OSBPL6: variants seen among roughly 807,000 people sequenced by gnomAD.
The protein encoded by OSBPL6 is oxysterol binding protein like 6.
In OSBPL6, 49 loss-of-function variants were observed where a neutral mutation model predicts 125.8. The observed-to-expected ratio is 0.39, with a 90% CI of 0.31 to 0.49. The LOEUF (loss-of-function observed/expected upper bound fraction) is 0.49. Ranked by LOEUF, OSBPL6 falls within the 20% of genes least tolerant of loss-of-function variation. The probability of loss-of-function intolerance (pLI) is 0.88; values close to 1 mark genes in which losing one functional copy is unlikely to be tolerated. For missense variants in OSBPL6, 986 were observed against 1,135.4 expected, an observed-to-expected ratio of 0.87 and a Z score of 1.89; for synonymous variants, 394 against 391.8, an observed-to-expected ratio of 1.01 and a Z score of -0.07.
In OSBPL6 at chr2:178,270,027, T is replaced by G. The variant is rs115095071; in HGVS notation, c.-350-14900T>G. Among the ~76,000 whole-genome samples the G allele has an allele frequency of 5.3e-3, 801 of 152,084 alleles. 5 individuals are homozygous for G. The highest frequency in any genetic ancestry group is 7.0e-3 in the Non-Finnish European group (473 of 67,900). ...ACGATAACACACTGGCTTGTTCAGG[T>G]ATGGGTTAGTGGCCACAGCCTCTCT... On this transcript the variant is annotated intron_variant, in intron 1 of 24. Transcript: ENST00000190611.
At chr2:178,241,573 G>A (rs546483418) in intron 1 of OSBPL6, among the ~76,000 whole-genome samples, 1 of 151,888 alleles carries the variant, frequency 6.6e-6, no homozygotes, top group East Asian at 1.9e-4. Flanking sequence ...GCACTACTAT[G>A]CCTGGCTAAT....
At chr2:178,358,869 A>G (rs1045389873) in intron 12 of OSBPL6, among the ~76,000 whole-genome samples, 2 of 152,170 alleles carry the variant, frequency 1.3e-5, no homozygotes, top group Non-Finnish European at 2.9e-5. Flanking sequence ...ATATTTGCAA[A>G]CCATGTATCA....
intron 11 of OSBPL6, among the ~76,000 whole-genome samples, chr2:178,346,051 T>C (rs1226659434): frequency 6.6e-6 from 1 of 151,980 alleles, no homozygotes; most frequent in African/African-American, 2.4e-5. Context: ...TATTCAGGAA[T>C]AACTAGGGGG....
rs75965274 is a variant in OSBPL6, at chr2:178,300,946, G to A, written c.-155-5084G>A. 3.6e-3 allele frequency among the ~76,000 whole-genome samples: 545 copies of A among 152,122 alleles called. 20 individuals are homozygous for A. The East Asian group carries it at 0.074, about 21-fold the overall frequency. On this transcript the variant is annotated intron_variant, in intron 2 of 24. Coordinates refer to ENST00000190611, the MANE Select transcript of OSBPL6 (RefSeq NM_032523.4). Reference sequence around the variant, plus strand: ...CCAGATTACCAAGCAAAGCCATCAAGCATTAAAGGAAACAAAGAAGAACCA... The same window carrying A: ...CCAGATTACCAAGCAAAGCCATCAAACATTAAAGGAAACAAAGAAGAACCA...
rs1264775412 is a variant in OSBPL6 at position 178,332,623 on chromosome 2, C to T, written c.373-18C>T. On this transcript the variant is annotated intron_variant, in intron 6 of 24. Coordinates refer to ENST00000190611, the MANE Select transcript of OSBPL6 (RefSeq NM_032523.4). ...ATCATATATCCTTTCAGCCTATTTA[C>T]TAGTCTTTTGATTTCAGATTCAGAA... The T allele has an allele frequency of 1.3e-6, 2 of 1,535,296 alleles. No individual in the cohort carries two copies. Among genetic ancestry groups the T allele is most frequent in the Admixed American group, 1.7e-5 (1 of 59,630 alleles).
chr2:178,313,701 A>G (rs1187751736), intron 3 of OSBPL6, among the ~76,000 whole-genome samples: 2 of 152,236 alleles, frequency 1.3e-5, no homozygotes, highest in East Asian at 3.8e-4. Context: ...TAACAACTAT[A>G]TATTTCAATT....
chr2:178,329,107 G>A (rs1199602559), intron 5 of OSBPL6, among the ~76,000 whole-genome samples: 1 of 152,022 alleles, frequency 6.6e-6, no homozygotes, highest in Non-Finnish European at 1.5e-5. Context: ...TTACTATTGT[G>A]ATGTGATGAA....
intron 2 of OSBPL6, among the ~76,000 whole-genome samples, chr2:178,290,531 A>G (rs928954201): frequency 6.6e-6 from 1 of 151,300 alleles, no homozygotes; most frequent in African/African-American, 2.4e-5. Context: ...AGAACCTATC[A>G]TATGTGAATC....
chr2:178,199,795 G>A (rs557470854), intron 1 of OSBPL6, among the ~76,000 whole-genome samples: 65 of 152,202 alleles, frequency 4.3e-4, no homozygotes, highest in African/African-American at 1.3e-3. Context: ...CGTTTGAAAT[G>A]CTAATTATAG....
At chr2:178,231,211 G>T (rs1279653471) in intron 1 of OSBPL6, among the ~76,000 whole-genome samples, 1 of 152,122 alleles carries the variant, frequency 6.6e-6, no homozygotes, top group South Asian at 2.1e-4. Context: ...AGGGCCCTCC[G>T]GTTAGATTGA....
At chr2:178,388,572 A>C (rs943255214) in intron 20 of OSBPL6, among the ~76,000 whole-genome samples, 10 of 152,230 alleles carry the variant, frequency 6.6e-5, no homozygotes, top group Admixed American at 1.3e-4. Context: ...TCCCCAGCCC[A>C]TAGTGCCCTC....
intron 1 of OSBPL6, among the ~76,000 whole-genome samples, chr2:178,219,093 A>G (rs2090227219): frequency 6.6e-6 from 1 of 152,058 alleles, no homozygotes; most frequent in African/African-American, 2.4e-5. Context: ...AGGATTCTAG[A>G]TGTAATCCTA....
intron 13 of OSBPL6, among the ~76,000 whole-genome samples, chr2:178,370,848 T>A (rs1298034360): frequency 6.6e-6 from 1 of 152,122 alleles, no homozygotes; most frequent in African/African-American, 2.4e-5. Context: ...GATAGTTCTG[T>A]CCTCAAAAAG....
intron 8 of OSBPL6, among the ~76,000 whole-genome samples, chr2:178,334,812 A>G (rs1689534538): frequency 6.6e-6 from 1 of 152,138 alleles, no homozygotes; most frequent in South Asian, 2.1e-4. Context: ...GTGAGCCACC[A>G]CACCTGGCCT....
At chr2:178,319,316 T>A (rs1259737879) in intron 3 of OSBPL6, among the ~76,000 whole-genome samples, 2 of 152,348 alleles carry the variant, frequency 1.3e-5, no homozygotes, top group East Asian at 3.9e-4. Context: ...TGTACCATAT[T>A]TAAGAGTGCT....
intron 6 of OSBPL6, 60 bp from the exon 7 acceptor site, chr2:178,332,581 C>A: frequency 8.1e-7 from 1 of 1,233,540 alleles, no homozygotes; most frequent in Non-Finnish European, 1.2e-6. Flanking sequence ...CACTTAAATA[C>A]AGTACAGAAA....
At chr2:178,317,963 G>A (rs982769136) in intron 3 of OSBPL6, among the ~76,000 whole-genome samples, 9 of 152,076 alleles carry the variant, frequency 5.9e-5, no homozygotes, top group Non-Finnish European at 8.8e-5. Flanking sequence ...TATAATTGCC[G>A]TAATGAAGCA....
intron 1 of OSBPL6, among the ~76,000 whole-genome samples, chr2:178,201,408 G>C (rs970882899): frequency 4.6e-5 from 7 of 151,256 alleles, no homozygotes; most frequent in Non-Finnish European, 8.9e-5. Flanking sequence ...TGAGATGAGG[G>C]TCTCACTATG....
At position 178,341,131 on chromosome 2, in the gene OSBPL6, T is replaced by C. The variant is rs546728739; in HGVS notation, c.987+1367T>C. On this transcript the variant is annotated intron_variant, in intron 11 of 24. Coordinates refer to ENST00000190611, the MANE Select transcript of OSBPL6 (RefSeq NM_032523.4). ...AGAATCATTCCTCTAAATAAAATAATTGAAGAAGGCCTGCATCACAAGAAA... is the reference window on the plus strand; with the variant it reads ...AGAATCATTCCTCTAAATAAAATAACTGAAGAAGGCCTGCATCACAAGAAA... Among the ~76,000 whole-genome samples the C allele has an allele frequency of 6.6e-5, 10 of 152,334 alleles. No individual in the cohort carries two copies. The East Asian group carries it at 1.7e-3, about 26-fold the overall frequency.
Sources: gnomAD v4.1 joint callset for allele counts (sites outside exome capture counted in the v4.1 genomes callset) on GRCh38, gnomAD v4.1.1 for gene constraint, MANE v1.5 for transcripts, NCBI Gene and HGNC (gene_info 2026-07-23, HGNC 2026-07-21) for gene names.